OVCH2: variants seen among roughly 807,000 people sequenced by gnomAD.
OVCH2 encodes the protein ovochymase 2.
A neutral mutation model predicts 73.7 loss-of-function variants in OVCH2; 88 were observed. That is an observed-to-expected ratio of 1.19 (90% CI 1.01 to 1.43). The LOEUF (loss-of-function observed/expected upper bound fraction) is 1.43. Ranked by LOEUF, OVCH2 falls within the 40% of genes most tolerant of loss-of-function variation. The pLI, the probability that OVCH2 is intolerant of heterozygous loss-of-function variation, is 0.00. For missense variants in OVCH2, 706 were observed against 674.5 expected (o/e 1.05, Z -0.52); for synonymous variants, 265 against 234.5 (o/e 1.13, Z -1.19).
In OVCH2 at chr11:7,689,890, CTG is replaced by C. The variant is rs780654932; in HGVS notation, c.*31+32_*31+33del. 51 of 1,238,628 alleles carry C rather than the reference CTG, an allele frequency of 4.1e-5. No individual in the cohort carries two copies. The Admixed American group carries it at 9.3e-4, about 23-fold the overall frequency. The allele number at this position is 1,238,628 out of a possible 1,614,324, so 76.7% of individuals were successfully genotyped here. The stretch of plus-strand genomic sequence containing the variant: ...CTCCGGTTGAACCCTGGATTATACT[CTG>C]TGTGTATCAATTGGTCCCCAAAACA... On this transcript the variant is annotated intron_variant, in intron 15 of 15. Coordinates refer to ENST00000533663, the MANE Select transcript of OVCH2 (RefSeq NM_198185.7).
chr11:7,704,958 T>A (rs1856506343), intron 1 of OVCH2, among the ~76,000 whole-genome samples: 1 of 152,170 alleles, frequency 6.6e-6, no homozygotes, highest in Non-Finnish European at 1.5e-5. Context: ...TGTAAAATAC[T>A]TTATCCCTGA....
chr11:7,697,432 A>G (rs142130296), intron 8 of OVCH2, among the ~76,000 whole-genome samples: 1 of 152,186 alleles, frequency 6.6e-6, no homozygotes, highest in South Asian at 2.1e-4. Flanking sequence ...TGTCTCTATG[A>G]TCCCTTGGAC....
chr11:7,700,067 C>G, intron 7 of OVCH2: 1 of 517,170 alleles, frequency 1.9e-6, no homozygotes, highest in African/African-American at 1.9e-5. Flanking sequence ...TTGAGAAGGT[C>G]TAGGATGGAT....
At chr11:7,698,342 G>T (rs1197937834) in intron 8 of OVCH2, among the ~76,000 whole-genome samples, 2 of 152,178 alleles carry the variant, frequency 1.3e-5, no homozygotes, top group Non-Finnish European at 1.5e-5. Context: ...ATGGATGAGG[G>T]CCAGAGTTAG....
At position 7,701,434 on chromosome 11, in the gene OVCH2, T is replaced by C. The variant is rs1299487200; in HGVS notation, c.601A>G (p.Ile201Val). ...SQVLQEVNLP[I>V]LTWEECVAAL... Reference sequence around the variant, plus strand: ...GCCACACACTCTTCCCAGGTCAAAATAGGCAGATTCACTTCCTGCAAGACT... The same window carrying C: ...GCCACACACTCTTCCCAGGTCAAAACAGGCAGATTCACTTCCTGCAAGACT... The change falls in exon 6 of 16, where the codon ATT (isoleucine) becomes GTT (valine). Residue 201 changes from isoleucine (I) to valine (V), a missense_variant. By Grantham distance (29) the Ile-to-Val change is conservative. Coordinates refer to ENST00000533663, the MANE Select transcript of OVCH2 (RefSeq NM_198185.7). 3.1e-6 allele frequency: 5 copies of C among 1,612,534 alleles called. No homozygotes were observed. In the South Asian group the frequency reaches 5.5e-5, roughly 18 times the overall value.
At chr11:7,680,160 C>G in the OVCH2 span, among the ~76,000 whole-genome samples, 1 of 152,216 alleles carries the variant, frequency 6.6e-6, no homozygotes, top group Non-Finnish European at 1.5e-5. Flanking sequence ...GTCAGAAATT[C>G]TGGAAGCCCA....
At chr11:7,695,877 G>A (rs141987605) in intron 10 of OVCH2, among the ~76,000 whole-genome samples, 167 bp from the exon 11 acceptor site, 321 of 152,274 alleles carry the variant, frequency 2.1e-3, no homozygotes, top group South Asian at 4.8e-3. Context: ...TTGTGTTCTT[G>A]CCATCCTGCA....
At position 7,703,549 on chromosome 11, in the gene OVCH2, C is replaced by A. The variant is rs543068948; in HGVS notation, c.290+149G>T. The A allele has an allele frequency of 1.0e-5, 6 of 574,978 alleles. No individual in the cohort carries two copies. The South Asian group carries it at 1.8e-4, about 18-fold the overall frequency. 35.6% of individuals were successfully genotyped at this position (574,978 alleles called of 1,614,324 possible). A position where few individuals can be genotyped will look rare whatever the true frequency, so the allele number is the denominator to read the frequency against. On this transcript the variant is annotated intron_variant, in intron 3 of 15. Coordinates refer to ENST00000533663, the MANE Select transcript of OVCH2 (RefSeq NM_198185.7). Reference sequence around the variant, plus strand: ...GTGCCATCTGACAATGTCACCCAGCCCCATTTGTGTCATGCAATTAGGATA... The same window carrying A: ...GTGCCATCTGACAATGTCACCCAGCACCATTTGTGTCATGCAATTAGGATA...
At position 7,690,042 on chromosome 11, in the gene OVCH2, G is replaced by C. The variant is rs1317493196; in HGVS notation, c.1640-29C>G. 5.0e-6 allele frequency: 7 copies of C among 1,410,760 alleles called. No homozygotes were observed. The African/African-American group carries it at 1.0e-4, about 20-fold the overall frequency. 87.4% of individuals were successfully genotyped at this position (1,410,760 alleles called of 1,614,324 possible). ...GGTATAAGTATGATACAATTACTCA[G>C]TTTCCACAAAGACAGCCAGGGTTGG... On this transcript the variant is annotated intron_variant, in intron 14 of 15. Coordinates refer to ENST00000533663, the MANE Select transcript of OVCH2 (RefSeq NM_198185.7).
intron 3 of OVCH2, among the ~76,000 whole-genome samples, chr11:7,702,689 A>G (rs1856467091): frequency 6.6e-6 from 1 of 152,158 alleles, no homozygotes; most frequent in South Asian, 2.1e-4. Flanking sequence ...TATCAGTGAG[A>G]CCCTTTGGGA....
rs183232666 is a variant in OVCH2 at position 7,703,257 on chromosome 11, G to T, written c.290+441C>A. On this transcript the variant is annotated intron_variant, in intron 3 of 15. Transcript: ENST00000533663. ...GGGTAAAGGGAAGTTGTTGGGTTGA[G>T]TCCCAGAGAGGCAGGATCAATGGGA... Among the ~76,000 whole-genome samples, 146 of 150,982 alleles carry T rather than the reference G, an allele frequency of 9.7e-4. 1 individual carries two copies. The highest frequency in any genetic ancestry group is 3.5e-3 in the African/African-American group (142 of 40,288).
intron 13 of OVCH2, 65 bp downstream of exon 13, chr11:7,691,837 C>T: frequency 6.4e-6 from 8 of 1,248,530 alleles, no homozygotes; most frequent in Non-Finnish European, 9.1e-6. Flanking sequence ...GTCTCCTTTT[C>T]GTTCCCATCT....
intron 12 of OVCH2, among the ~76,000 whole-genome samples, chr11:7,692,785 T>C (rs1391595040): frequency 2.0e-5 from 3 of 152,204 alleles, no homozygotes; most frequent in Non-Finnish European, 4.4e-5. Context: ...GAAAAGAAAG[T>C]TGATCACCTG....
Position 7,696,735 on chromosome 11 carries a change from G to T in OVCH2, c.990C>A (p.Ser330Arg). 6.2e-7 allele frequency: 1 copy of T among 1,613,518 alleles called. No homozygotes were observed. Among genetic ancestry groups the T allele is most frequent in the Non-Finnish European group, 8.5e-7 (1 of 1,179,710 alleles). The change falls in exon 9 of 16, where the codon AGC becomes AGA. Residue 330 changes from serine (S) to arginine (R), a missense_variant. Physicochemically the swap from Ser to Arg is moderately radical, Grantham distance 110. Coordinates refer to ENST00000533663, the MANE Select transcript of OVCH2 (RefSeq NM_198185.7). ...GCTTGCTCTCATAATATAGGTGGAG[G>T]CTTTCTGGGAAGTGCAGCTTCCCCT... ...GAEGKLHFPE[S>R]LHLYYESKQR...
At chr11:7,689,026 A>G (rs1158523146), downstream of OVCH2, among the ~76,000 whole-genome samples, 1 of 152,238 alleles carries the variant, frequency 6.6e-6, no homozygotes, top group Non-Finnish European at 1.5e-5. Context: ...CATCCCATGA[A>G]GCTCCATGTG....
chr11:7,682,615 G>T, the OVCH2 span, among the ~76,000 whole-genome samples: 2 of 152,308 alleles, frequency 1.3e-5, no homozygotes, highest in East Asian at 1.9e-4. Flanking sequence ...CTGACTAAAT[G>T]CTCCTTTTGT....
At chr11:7,691,658 T>C (rs1191181060) in intron 13 of OVCH2, among the ~76,000 whole-genome samples, 1 of 152,204 alleles carries the variant, frequency 6.6e-6, no homozygotes, top group Non-Finnish European at 1.5e-5. Flanking sequence ...TCAATGGAAC[T>C]TTCCCTTTCT....
the OVCH2 span, among the ~76,000 whole-genome samples, chr11:7,679,242 A>G: frequency 6.6e-6 from 1 of 152,234 alleles, no homozygotes; most frequent in African/African-American, 2.4e-5. Flanking sequence ...TACAACAACT[A>G]AAATCCTTGG....
At chr11:7,685,825 T>G (rs1195580066), downstream of OVCH2, among the ~76,000 whole-genome samples, 2 of 152,220 alleles carry the variant, frequency 1.3e-5, no homozygotes, top group African/African-American at 4.8e-5. Context: ...TGTTCAGTAA[T>G]TACTTGTTGA....
Sources: gnomAD v4.1 joint callset for allele counts (sites outside exome capture counted in the v4.1 genomes callset) on GRCh38, gnomAD v4.1.1 for gene constraint, MANE v1.5 for transcripts, NCBI Gene and HGNC (gene_info 2026-07-23, HGNC 2026-07-21) for gene names.